Variants in BCCIP observed in about 807,000 individuals in gnomAD.
The protein encoded by BCCIP is BRCA2 and CDKN1A-interacting protein.
Under a neutral mutation model 32.8 loss-of-function variants are expected in BCCIP, and 23 were observed. The observed-to-expected ratio is 0.70, with a 90% confidence interval of 0.51 to 0.99. The LOEUF (loss-of-function observed/expected upper bound fraction) is 0.99. Ranked by LOEUF, BCCIP falls within the 50% of genes least tolerant of loss-of-function variation. The pLI is 0.00. For synonymous variants in BCCIP, 144 were observed against 137.6 expected (o/e 1.05, Z -0.33); for missense variants, 378 against 379.8 (o/e 1.00, Z 0.04).
Position 125,823,731 on chromosome 10 carries a change from G to C in BCCIP, c.165+9G>C. 1 of 1,613,738 alleles carries C rather than the reference G, an allele frequency of 6.2e-7. No homozygotes were observed. On this transcript the variant is annotated intron_variant, in intron 1 of 6. Coordinates refer to ENST00000278100, the MANE Select transcript of BCCIP (RefSeq NM_078468.3). The stretch of plus-strand genomic sequence containing the variant: ...ACGAGGTCATTGACGAGGTGAGAAG[G>C]ACACGCTCCCCTAGTTGGTTTATAC...
intron 7 of BCCIP, among the ~76,000 whole-genome samples, chr10:125,848,305 C>T (rs1196399631): frequency 6.6e-6 from 1 of 152,128 alleles, no homozygotes; most frequent in African/African-American, 2.4e-5. Flanking sequence ...GACATGTTCC[C>T]AAAACCTGGC....
intron 2 of BCCIP, 125 bp downstream of exon 2, chr10:125,826,790 A>G (rs1854399755): frequency 5.5e-6 from 8 of 1,442,414 alleles, no homozygotes; most frequent in Non-Finnish European, 7.3e-6. Flanking sequence ...GCTTGAGCCC[A>G]GGAGTTTGAG....
chr10:125,831,779 A>T, intron 5 of BCCIP, 172 bp downstream of exon 5: 1 of 502,260 alleles, frequency 2.0e-6, no homozygotes, highest in South Asian at 5.0e-5. Context: ...ATTATTAACA[A>T]CTGGCTTTTT....
chr10:125,850,635 G>A (rs1355942399), intron 7 of BCCIP, among the ~76,000 whole-genome samples: 5 of 152,148 alleles, frequency 3.3e-5, no homozygotes, highest in African/African-American at 1.2e-4. Context: ...GATTAGAGGC[G>A]TGAGCCACTG....
intron 6 of BCCIP, 36 bp downstream of exon 6, chr10:125,833,982 A>G: frequency 6.3e-7 from 1 of 1,598,922 alleles, no homozygotes; most frequent in South Asian, 1.1e-5. Flanking sequence ...AGATGTAAAT[A>G]AGGATTTTCT....
rs1643377844 is a variant in BCCIP, at chr10:125,836,482, A to G, written c.*208A>G. On this transcript the variant is annotated 3_prime_UTR_variant, in exon 7 of 7. Coordinates refer to ENST00000278100, the MANE Select transcript of BCCIP (RefSeq NM_078468.3). The stretch of plus-strand genomic sequence containing the variant: ...AGTGGTTGATTTAAAAACTTTTCCA[A>G]GAAGAAGAAAAGCATGGAGTAGTAA... 15 of 1,389,100 alleles carry G rather than the reference A, an allele frequency of 1.1e-5. No individual in the cohort carries two copies. Among genetic ancestry groups the G allele is most frequent in the Non-Finnish European group, 1.3e-5 (14 of 1,068,302 alleles). 86.0% of individuals were successfully genotyped at this position (1,389,100 alleles called of 1,614,324 possible).
At chr10:125,838,418 T>A (rs760941914), downstream of BCCIP, 4 of 1,532,128 alleles carry the variant, frequency 2.6e-6, no homozygotes, top group Non-Finnish European at 3.5e-6. Flanking sequence ...GAAAAAAGAT[T>A]TTGTATTAAT....
intron 1 of BCCIP, among the ~76,000 whole-genome samples, chr10:125,824,943 G>A (rs1303202155): frequency 1.3e-5 from 2 of 152,264 alleles, no homozygotes; most frequent in Non-Finnish European, 2.9e-5. Flanking sequence ...AGGGGAGCAT[G>A]GAGAGAAGCA....
At chr10:125,842,849 G>A (rs556886028), downstream of BCCIP, 107 of 864,100 alleles carry the variant, frequency 1.2e-4, no homozygotes, top group Non-Finnish European at 1.4e-4. Flanking sequence ...ATGTAACATC[G>A]ATAATGATGT....
intron 3 of BCCIP, among the ~76,000 whole-genome samples, chr10:125,829,762 G>T (rs1854481059): frequency 2.0e-5 from 3 of 152,232 alleles, no homozygotes; most frequent in Admixed American, 1.3e-4. Context: ...TCGTGTCTTA[G>T]AAGACCTAAT....
chr10:125,836,778 A>G, downstream of BCCIP: 3 of 1,614,112 alleles, frequency 1.9e-6, no homozygotes, highest in Admixed American at 1.7e-5. Flanking sequence ...TAGGTGATCC[A>G]CTACTTGCTG....
At position 125,823,607 on chromosome 10, in the gene BCCIP, C is replaced by T. The variant is rs1394877405; in HGVS notation, c.50C>T (p.Pro17Leu). The change falls in exon 1 of 7, where the codon CCG becomes CTG. Residue 17 changes from proline to leucine, a missense_variant. Physicochemically the swap from Pro to Leu is moderately conservative, Grantham distance 98. Coordinates refer to ENST00000278100, the MANE Select transcript of BCCIP (RefSeq NM_078468.3). ...GCCGTGGAAAGTGGGGTTCCGCAGC[C>T]GCCGGATCCCCCAGTCCAGCGCGAC... ...RRAVESGVPQ[P>L]PDPPVQRDEE... 6.8e-6 allele frequency: 11 copies of T among 1,613,904 alleles called. No homozygotes were observed. Among genetic ancestry groups the T allele is most frequent in the African/African-American group, 2.7e-5 (2 of 74,890 alleles).
downstream of BCCIP, among the ~76,000 whole-genome samples, chr10:125,840,265 C>T (rs1854834677): frequency 6.6e-6 from 1 of 152,162 alleles, no homozygotes. Context: ...AGGTAAGCTA[C>T]CCACTGCCCT....
At chr10:125,834,974 A>G (rs1456666713) in intron 6 of BCCIP, among the ~76,000 whole-genome samples, 1 of 151,036 alleles carries the variant, frequency 6.6e-6, no homozygotes, top group African/African-American at 2.4e-5. Context: ...CTACTAAAAA[A>G]TACAAAAAAT....
In BCCIP at chr10:125,825,714, C is replaced by T. The variant is rs550067192; in HGVS notation, c.166-877C>T. Reference sequence around the variant, plus strand: ...TCTGAAACCGTTAAAACCTGAAGTGCCTTTAAATATATTATTTCATCAGAG... The same window carrying T: ...TCTGAAACCGTTAAAACCTGAAGTGTCTTTAAATATATTATTTCATCAGAG... On this transcript the variant is annotated intron_variant, in intron 1 of 6. Transcript: ENST00000278100. 5 of 152,304 alleles carry T rather than the reference C, an allele frequency of 3.3e-5. No individual in the cohort carries two copies. The South Asian group carries it at 6.2e-4, about 19-fold the overall frequency. The allele number at this position is 152,304 out of a possible 1,614,324, so 9.4% of individuals were successfully genotyped here.
chr10:125,850,680 CCT>C (rs1301761026), intron 7 of BCCIP, among the ~76,000 whole-genome samples: 20 of 152,306 alleles, frequency 1.3e-4, no homozygotes, highest in Non-Finnish European at 1.9e-4. Context: ...TGCATTTTCC[CCT>C]GTTTTCATGA....
chr10:125,824,485 A>T (rs1038095325), intron 1 of BCCIP, among the ~76,000 whole-genome samples: 1 of 152,188 alleles, frequency 6.6e-6, no homozygotes, highest in African/African-American at 2.4e-5. Context: ...ATTTCTATAA[A>T]TGGCCCCTAA....
chr10:125,837,063 T>C (rs1340236560), downstream of BCCIP, among the ~76,000 whole-genome samples: 5 of 152,212 alleles, frequency 3.3e-5, no homozygotes, highest in South Asian at 8.3e-4. Context: ...CTAGAATAAG[T>C]TGGCCTCTCT....
chr10:125,841,103 T>C, downstream of BCCIP: 1 of 1,404,354 alleles, frequency 7.1e-7, no homozygotes, highest in Non-Finnish European at 9.7e-7. Flanking sequence ...GCTCCTGTCT[T>C]GGTACTCTGA....
Sources: gnomAD v4.1 joint callset for allele counts (sites outside exome capture counted in the v4.1 genomes callset) on GRCh38, gnomAD v4.1.1 for gene constraint, MANE v1.5 for transcripts, NCBI Gene and HGNC (gene_info 2026-07-23, HGNC 2026-07-21) for gene names.